Variants in TBC1D8B observed in about 807,000 individuals in gnomAD.
TBC1D8B encodes TBC1 domain family member 8B.
In TBC1D8B, 75 loss-of-function variants were observed where a neutral mutation model predicts 82.9. That is an observed-to-expected ratio of 0.90 (90% CI 0.75 to 1.10). The LOEUF (loss-of-function observed/expected upper bound fraction) is 1.10, where lower values mean the gene tolerates loss of function less well. Ranked by LOEUF, TBC1D8B falls within the 50% of genes least tolerant of loss-of-function variation. TBC1D8B has a pLI of 0.00. For synonymous variants in TBC1D8B, 276 were observed against 276.8 expected (o/e 1.00, Z 0.03); for missense variants, 794 against 796.9 (o/e 1.00, Z 0.04).
Position 106,802,835 on chromosome X carries a change from G to T in TBC1D8B, c.-19G>T, listed in dbSNP as rs772014808. The stretch of plus-strand genomic sequence containing the variant: ...GGAGGGCATCTAGGTCACTGCTCCC[G>T]GGGGGCACAAAGTTCGCGATGTGGC... On this transcript the variant is annotated 5_prime_UTR_variant, in exon 1 of 21. Coordinates refer to ENST00000357242, the MANE Select transcript of TBC1D8B (RefSeq NM_017752.3). The T allele has an allele frequency of 3.3e-6, 4 of 1,207,629 alleles. No homozygotes were observed. The highest frequency in any genetic ancestry group is 3.4e-6 in the Non-Finnish European group (3 of 893,143).
intron 7 of TBC1D8B, among the ~76,000 whole-genome samples, chrX:106,834,128 G>C (rs1011776930): frequency 9.0e-6 from 1 of 111,030 alleles, no homozygotes; most frequent in African/African-American, 3.3e-5. Flanking sequence ...TTCTCACGCT[G>C]CTATGATGAA....
chrX:106,865,041 ATATCATAATGATTG>A (rs1932804898), intron 14 of TBC1D8B, among the ~76,000 whole-genome samples: 1 of 111,622 alleles, frequency 9.0e-6, no homozygotes, highest in Non-Finnish European at 1.9e-5. Context: ...AATTTCTTAG[ATATCATAATGATTG>A]TATCATTAGT....
At chrX:106,811,576 TATA>T (rs1931376457) in intron 1 of TBC1D8B, among the ~76,000 whole-genome samples, 1 of 111,816 alleles carries the variant, frequency 8.9e-6, no homozygotes. Context: ...TGATTATTAT[TATA>T]ATATTAGTTG....
intron 7 of TBC1D8B, among the ~76,000 whole-genome samples, chrX:106,837,854 CATCT>C (rs748352601): frequency 2.5e-3 from 278 of 111,709 alleles, no homozygotes; most frequent in African/African-American, 7.6e-3. Context: ...TGTATCCATC[CATCT>C]GTTGGTGGAC....
At chrX:106,850,658 C>T (rs1054076375) in intron 12 of TBC1D8B, among the ~76,000 whole-genome samples, 4 of 111,401 alleles carry the variant, frequency 3.6e-5, no homozygotes, top group East Asian at 5.7e-4. Flanking sequence ...ATCCAGTGGC[C>T]GGGAAGTTAT....
At chrX:106,846,970 G>C (rs1000683523) in intron 10 of TBC1D8B, among the ~76,000 whole-genome samples, 1 of 112,151 alleles carries the variant, frequency 8.9e-6, no homozygotes, top group Non-Finnish European at 1.9e-5. Flanking sequence ...TATTGGCAAA[G>C]ATGCAGTGAA....
chrX:106,825,798 G>T (rs12863896), intron 5 of TBC1D8B, among the ~76,000 whole-genome samples: 22,597 of 110,184 alleles, frequency 0.21, 2,144 homozygotes, highest in South Asian at 0.35. Flanking sequence ...TCTAACTTTT[G>T]TGCATTTTAA....
intron 11 of TBC1D8B, chrX:106,849,343 T>G: frequency 9.1e-7 from 1 of 1,095,759 alleles, no homozygotes; most frequent in Non-Finnish European, 1.2e-6. Context: ...GGCATGCTCT[T>G]TCTCCAATTT....
In TBC1D8B at chrX:106,843,285, T is replaced by G. The variant is rs1439997743; in HGVS notation, c.1719+2401T>G. On this transcript the variant is annotated intron_variant, in intron 10 of 20. Coordinates refer to ENST00000357242, the MANE Select transcript of TBC1D8B (RefSeq NM_017752.3). ...CTGTCAAACTATTTTCCAAAGAGAC[T>G]GCACCATTTTATATTCCCTCCAGCA... Among the ~76,000 whole-genome samples the G allele has an allele frequency of 3.6e-5, 4 of 112,048 alleles. No homozygotes were observed. The East Asian group carries it at 1.1e-3, about 31-fold the overall frequency.
At chrX:106,819,462 C>T (rs1044245809) in intron 2 of TBC1D8B, among the ~76,000 whole-genome samples, 3 of 110,699 alleles carry the variant, frequency 2.7e-5, no homozygotes, top group South Asian at 7.6e-4. Context: ...AATTAGAATC[C>T]CAGATTTCTA....
At chrX:106,818,550 T>C in intron 1 of TBC1D8B, 113 bp from the exon 2 acceptor site, 1 of 469,554 alleles carries the variant, frequency 2.1e-6, no homozygotes, top group Non-Finnish European at 3.3e-6. Flanking sequence ...CTGTAAGGAC[T>C]CTATGGGCTA....
Position 106,823,231 on chromosome X carries a change from C to G in TBC1D8B, c.592C>G (p.Leu198Val). Residue 198 changes from leucine to valine, a missense_variant, in exon 5 of 21, where the codon CTC (leucine) becomes GTC (valine). Physicochemically the swap from Leu to Val is conservative, Grantham distance 32. Coordinates refer to ENST00000357242, the MANE Select transcript of TBC1D8B (RefSeq NM_017752.3). ...YSFLLGSEIK[L>V]IISWDEVSKL... ...CTTATACCTCTTATTTGCAGTAAAA[C>G]TCATTATCTCCTGGGATGAAGTCTC... The G allele has an allele frequency of 1.7e-6, 2 of 1,205,002 alleles. No homozygotes were observed. Among genetic ancestry groups the G allele is most frequent in the South Asian group, 3.5e-5 (2 of 56,360 alleles).
At chrX:106,842,143 T>G (rs1932322432) in intron 10 of TBC1D8B, among the ~76,000 whole-genome samples, 1 of 110,733 alleles carries the variant, frequency 9.0e-6, no homozygotes, top group African/African-American at 3.3e-5. Context: ...TTTTTTTTTT[T>G]GAAAAACTGT....
At chrX:106,835,403 G>A (rs184634688) in intron 7 of TBC1D8B, among the ~76,000 whole-genome samples, 191 of 112,256 alleles carry the variant, frequency 1.7e-3, no homozygotes, top group African/African-American at 5.4e-3. Flanking sequence ...CCAGGTTCAC[G>A]AAACCATTTT....
chrX:106,842,234 T>G (rs2147753736), intron 10 of TBC1D8B, among the ~76,000 whole-genome samples: 1 of 110,902 alleles, frequency 9.0e-6, no homozygotes, highest in South Asian at 3.9e-4. Context: ...AGCATAATGC[T>G]TCTTTTCTCA....
chrX:106,820,441 A>T (rs1931664497), intron 2 of TBC1D8B, among the ~76,000 whole-genome samples: 1 of 111,630 alleles, frequency 9.0e-6, no homozygotes, highest in Non-Finnish European at 1.9e-5. Flanking sequence ...CTTAGCATGC[A>T]TAGGATTGTC....
chrX:106,856,657 C>CTTTTTTTG (rs1022320250), intron 14 of TBC1D8B, among the ~76,000 whole-genome samples: 2 of 110,979 alleles, frequency 1.8e-5, no homozygotes, highest in African/African-American at 6.5e-5. Flanking sequence ...TTTGGACTCT[C>CTTTTTTTG]TTTTTTTGTT....
Position 106,818,694 on chromosome X carries a change from G to A in TBC1D8B, c.162G>A (p.Leu54=), listed in dbSNP as rs6523896. 14,828 of 1,205,206 alleles carry A rather than the reference G, an allele frequency of 0.012. 1,192 individuals are homozygous for A. In the African/African-American group the frequency reaches 0.23, roughly 19 times the overall value. Residue 54 remains leucine (L), a synonymous_variant, in exon 2 of 21, where the codon TTG becomes TTA. Transcript: ENST00000357242. ...GLLVGTLDSV[L]DSTAKVAPFR... ...TGGTTGGGACTCTTGATTCAGTCTT[G>A]GACTCTACTGCTAAAGTAGCTCCAT...
intron 5 of TBC1D8B, 83 bp downstream of exon 5, chrX:106,823,549 C>G: frequency 9.4e-7 from 1 of 1,061,742 alleles, no homozygotes; most frequent in Admixed American, 2.7e-5. Context: ...TAAAAGTTAA[C>G]TCTTCTATAT....
Sources: gnomAD v4.1 joint callset for allele counts (sites outside exome capture counted in the v4.1 genomes callset) on GRCh38, gnomAD v4.1.1 for gene constraint, MANE v1.5 for transcripts, NCBI Gene and HGNC (gene_info 2026-07-23, HGNC 2026-07-21) for gene names.